The following COQ8B variants were observed in gnomAD, a reference collection of about 807,000 sequenced individuals.
COQ8B encodes the protein atypical kinase COQ8B, mitochondrial.
COQ8B carries 44 observed loss-of-function variants against 62.0 expected under a neutral mutation model. That is an observed-to-expected ratio of 0.71 (90% confidence interval 0.56 to 0.91). The LOEUF is 0.91. Ranked by LOEUF, COQ8B falls within the 40% of genes least tolerant of loss-of-function variation. The probability of loss-of-function intolerance (pLI) is 0.00; values close to 1 mark genes in which losing one functional copy is unlikely to be tolerated. For missense variants in COQ8B, 649 were observed against 731.6 expected, an observed-to-expected ratio of 0.89 and a Z score of 1.30; for synonymous variants, 252 against 289.9, an observed-to-expected ratio of 0.87 and a Z score of 1.33.
intron 4 of COQ8B, among the ~76,000 whole-genome samples, chr19:40,710,912 A>G (rs963311599): frequency 2.0e-5 from 3 of 152,118 alleles, no homozygotes; most frequent in African/African-American, 7.2e-5. Context: ...TGGGCAGATC[A>G]TCTGAAGTCA....
chr19:40,710,274 T>TC, intron 4 of COQ8B, 138 bp from the exon 5 acceptor site: 6 of 775,180 alleles, frequency 7.7e-6, no homozygotes, highest in Non-Finnish European at 1.0e-5. Context: ...AGATGGAGTC[T>TC]CGCTCTGTTG....
chr19:40,714,131 C>T lies in COQ8B; in HGVS notation c.225G>A (p.Leu75=). ...CCTTGCGTTCTCGAGAGCGGTCACT[C>T]AGCTGGGAAATGGGGACAAGGTCTG... ...ARPRKTPRPQ[L]SDRSRERKVP... Residue 75 remains leucine (L), a splice_region_variant and synonymous_variant, in exon 4 of 15, where the codon CTG becomes CTA. Coordinates refer to ENST00000324464, the MANE Select transcript of COQ8B (RefSeq NM_024876.4). 1 of 1,614,194 alleles carries T rather than the reference C, an allele frequency of 6.2e-7. No individual in the cohort carries two copies. Among genetic ancestry groups the T allele is most frequent in the Non-Finnish European group, 8.5e-7 (1 of 1,180,036 alleles).
chr19:40,705,681 C>T (rs910816921), intron 5 of COQ8B, among the ~76,000 whole-genome samples: 2 of 152,150 alleles, frequency 1.3e-5, no homozygotes, highest in Admixed American at 6.6e-5. Flanking sequence ...TGTTGGCTCG[C>T]GCCTATAATC....
rs200697107 is a variant in COQ8B, at chr19:40,705,216, G to C, written c.491-35C>G. 7 of 1,610,666 alleles carry C rather than the reference G, an allele frequency of 4.3e-6. No homozygotes were observed. In the South Asian group the frequency reaches 5.5e-5, roughly 13 times the overall value. ...CAGTGGAACCAGGGGGGAAGTAAGCGAAGAGGTGAGGAGGGACCCCGTGTG... is the reference window on the plus strand; with the variant it reads ...CAGTGGAACCAGGGGGGAAGTAAGCCAAGAGGTGAGGAGGGACCCCGTGTG... On this transcript the variant is annotated intron_variant, in intron 6 of 14. Transcript: ENST00000324464.
At chr19:40,700,675 C>G in intron 10 of COQ8B, 1 of 543,230 alleles carries the variant, frequency 1.8e-6, no homozygotes, top group Non-Finnish European at 3.2e-6. Flanking sequence ...TGCCTCTCAA[C>G]TGGGTGCTGC....
intron 13 of COQ8B, among the ~76,000 whole-genome samples, chr19:40,693,471 G>C (rs183194510): frequency 5.9e-5 from 9 of 152,210 alleles, no homozygotes; most frequent in Admixed American, 3.3e-4. Flanking sequence ...TTAGTCGCAC[G>C]GGGCACAGGG....
intron 5 of COQ8B, among the ~76,000 whole-genome samples, 191 bp from the exon 6 acceptor site, chr19:40,705,638 G>C (rs2082095142): frequency 6.6e-6 from 1 of 152,234 alleles, no homozygotes; most frequent in South Asian, 2.1e-4. Flanking sequence ...CACACCAACA[G>C]GAATGGCTAA....
At chr19:40,707,891 T>G (rs2082112918) in intron 5 of COQ8B, among the ~76,000 whole-genome samples, 1 of 152,216 alleles carries the variant, frequency 6.6e-6, no homozygotes. Context: ...TGTGCAGGGA[T>G]CCTGAGACCA....
chr19:40,707,352 A>G (rs959536318), intron 5 of COQ8B, among the ~76,000 whole-genome samples: 1 of 151,528 alleles, frequency 6.6e-6, no homozygotes, highest in African/African-American at 2.4e-5. Context: ...CTTGACAACC[A>G]CTAATCTACT....
intron 14 of COQ8B, among the ~76,000 whole-genome samples, 159 bp downstream of exon 14, chr19:40,692,792 T>C (rs1365473227): frequency 6.8e-6 from 1 of 147,298 alleles, no homozygotes; most frequent in Non-Finnish European, 1.5e-5. Context: ...ACACACAGCC[T>C]CCATTCTCCC....
At chr19:40,710,161 G>A (rs1380558459) in intron 4 of COQ8B, 25 bp from the exon 5 acceptor site, 2 of 1,612,198 alleles carry the variant, frequency 1.2e-6, no homozygotes. Flanking sequence ...AAGAACATGA[G>A]TGCCCGTTTG....
intron 4 of COQ8B, among the ~76,000 whole-genome samples, chr19:40,713,626 G>A (rs1289972515): frequency 6.7e-6 from 1 of 149,098 alleles, no homozygotes. Context: ...TGTGGCAGGA[G>A]AATTGCTTGA....
chr19:40,697,483 A>G (rs1408636453), intron 12 of COQ8B, among the ~76,000 whole-genome samples: 3 of 152,150 alleles, frequency 2.0e-5, no homozygotes, highest in Admixed American at 6.6e-5. Context: ...TGAACTGACC[A>G]CAACCCACAG....
At position 40,702,540 on chromosome 19, in the gene COQ8B, G is replaced by A; in HGVS notation, c.893+60C>T. On this transcript the variant is annotated intron_variant, in intron 10 of 14. Coordinates refer to ENST00000324464, the MANE Select transcript of COQ8B (RefSeq NM_024876.4). ...CCAGCTGCCAGAAGCTGAGGGGGCA[G>A]CTACTTCCCACCCAGCCTGGGAGGG... 8 of 1,537,646 alleles carry A rather than the reference G, an allele frequency of 5.2e-6. No individual in the cohort carries two copies. In the South Asian group the frequency reaches 8.9e-5, roughly 17 times the overall value.
intron 2 of COQ8B, 42 bp downstream of exon 2, chr19:40,714,489 C>T (rs767208958): frequency 6.2e-7 from 1 of 1,613,808 alleles, no homozygotes; most frequent in South Asian, 1.1e-5. Context: ...TGAAGTCTCC[C>T]TCAGCCTCTT....
intron 5 of COQ8B, among the ~76,000 whole-genome samples, chr19:40,708,318 C>G (rs2082116217): frequency 6.6e-6 from 1 of 151,886 alleles, no homozygotes; most frequent in South Asian, 2.1e-4. Context: ...CCACTGCACT[C>G]TAGCCTGGGT....
intron 4 of COQ8B, 110 bp from the exon 5 acceptor site, chr19:40,710,246 T>C (rs1024560921): frequency 1.9e-6 from 2 of 1,055,980 alleles, no homozygotes; most frequent in Non-Finnish European, 2.8e-6. Context: ...CAACTCTTTT[T>C]ATTTTTTCTT....
chr19:40,703,892 G>A, intron 7 of COQ8B, 37 bp from the exon 8 acceptor site: 1 of 1,580,664 alleles, frequency 6.3e-7, no homozygotes, highest in Non-Finnish European at 8.6e-7. Context: ...CATTGTGGCA[G>A]AGTTCATTCC....
At position 40,692,965 on chromosome 19, in the gene COQ8B, C is replaced by G. The variant is rs1454293019; in HGVS notation, c.1282G>C (p.Gly428Arg). The change falls in exon 14 of 15, where the codon GGC becomes CGC. Residue 428 changes from glycine to arginine, a missense_variant. Coordinates refer to ENST00000324464, the MANE Select transcript of COQ8B (RefSeq NM_024876.4). Reference sequence around the variant, plus strand: ...TGTCTCCCCACCTTGGTTTCAAAGCCTGTGAGGAATTTGAGGTCCCTGGAC... The same window carrying G: ...TGTCTCCCCACCTTGGTTTCAAAGCGTGTGAGGAATTTGAGGTCCCTGGAC... ...QKSRDLKFLT[G>R]FETKAFSDAH... 4.3e-6 allele frequency: 7 copies of G among 1,613,916 alleles called. No homozygotes were observed. The highest frequency in any genetic ancestry group is 5.9e-6 in the Non-Finnish European group (7 of 1,179,878).
Sources: gnomAD v4.1 joint callset for allele counts (sites outside exome capture counted in the v4.1 genomes callset) on GRCh38, gnomAD v4.1.1 for gene constraint, MANE v1.5 for transcripts, NCBI Gene and HGNC (gene_info 2026-07-23, HGNC 2026-07-21) for gene names.